LSR: variants seen among roughly 807,000 people sequenced by gnomAD.
LSR encodes the protein lipolysis stimulated lipoprotein receptor.
A neutral mutation model predicts 61.8 loss-of-function variants in LSR; 44 were observed. The observed-to-expected ratio is 0.71, with a 90% CI of 0.56 to 0.91. The LOEUF (loss-of-function observed/expected upper bound fraction) is 0.91. Ranked by LOEUF, LSR falls within the 40% of genes least tolerant of loss-of-function variation. LSR has a pLI of 0.00. For synonymous variants in LSR, 397 were observed against 350.6 expected, an observed-to-expected ratio of 1.13 and a Z score of -1.48; for missense variants, 911 against 830.5, an observed-to-expected ratio of 1.10 and a Z score of -1.19.
In LSR at chr19:35,253,634, A is replaced by G. The variant is rs73029979; in HGVS notation, c.454+2975A>G. On this transcript the variant is annotated intron_variant, in intron 2 of 9. Transcript: ENST00000605618. ...ATGGGAAGCAGGGTTCCAGGGGCTGAGCCTATGTCAGTCCTGTTTCAGAGG... is the reference window on the plus strand; with the variant it reads ...ATGGGAAGCAGGGTTCCAGGGGCTGGGCCTATGTCAGTCCTGTTTCAGAGG... The G allele has an allele frequency of 9.9e-3, 1,507 of 152,360 alleles. 9 individuals carry two copies. The highest frequency in any genetic ancestry group is 0.016 in the Non-Finnish European group (1,109 of 68,058). 9.4% of individuals were successfully genotyped at this position (152,360 alleles called of 1,614,324 possible). A position where few individuals can be genotyped will look rare whatever the true frequency, so the allele number is the denominator to read the frequency against.
At chr19:35,263,164 C>A (rs2065952928) in intron 5 of LSR, 1 of 154,076 alleles carries the variant, frequency 6.5e-6, no homozygotes, top group Admixed American at 6.4e-5. Flanking sequence ...GCCTGTAATC[C>A]CAGCTACTCA....
chr19:35,250,384 C>T lies in LSR; in HGVS notation c.179C>T (p.Thr60Ile). 6.2e-7 allele frequency: 1 copy of T among 1,605,932 alleles called. No individual in the cohort carries two copies. Among genetic ancestry groups the T allele is most frequent in the South Asian group, 1.1e-5 (1 of 90,210 alleles). ...GTGGTGATCCTCTTCCAGCCTGTGA[C>T]CCTGCCCTGTACCTACCAGATGACC... ...YHVVILFQPV[T>I]LPCTYQMTST... Residue 60 changes from threonine (T) to isoleucine (I), a missense_variant, in exon 2 of 10, where the codon ACC (threonine) becomes ATC (isoleucine). By Grantham distance (89) the Thr-to-Ile change is moderately conservative. Transcript: ENST00000605618.
chr19:35,260,047 G>A (rs1018778899), intron 3 of LSR, among the ~76,000 whole-genome samples: 1 of 152,064 alleles, frequency 6.6e-6, no homozygotes, highest in Non-Finnish European at 1.5e-5. Flanking sequence ...CGTGACTGGG[G>A]GGTACTTGGG....
At chr19:35,260,331 G>A (rs575018215) in intron 3 of LSR, among the ~76,000 whole-genome samples, 102 of 127,782 alleles carry the variant, frequency 8.0e-4, no homozygotes, top group Non-Finnish European at 8.3e-4. Context: ...TCGTTCTGTC[G>A]CCCAGGCTGG....
chr19:35,256,984 G>GTGC (rs1396044680), intron 2 of LSR, among the ~76,000 whole-genome samples: 1 of 152,024 alleles, frequency 6.6e-6, no homozygotes, highest in Non-Finnish European at 1.5e-5. Context: ...CTACAGGTGC[G>GTGC]TGCCACCATG....
Position 35,249,090 on chromosome 19 carries a change from C to G in LSR, c.68C>G (p.Ala23Gly). The G allele has an allele frequency of 1.3e-6, 2 of 1,554,804 alleles. No individual in the cohort carries two copies. Among genetic ancestry groups the G allele is most frequent in the South Asian group, 1.2e-5 (1 of 85,160 alleles). The change falls in exon 1 of 10, where the codon GCG (alanine) becomes GGG (glycine). Residue 23 changes from alanine to glycine, a missense_variant. Ala to Gly is a moderately conservative substitution (Grantham distance 60, BLOSUM62 0). Transcript: ENST00000605618. ...CACCCGGCCGCCGCAGGCCGGGACGCGGTCGTCTTCGTGTGGCTTCTGCTT... is the reference window on the plus strand; with the variant it reads ...CACCCGGCCGCCGCAGGCCGGGACGGGGTCGTCTTCGTGTGGCTTCTGCTT... ...GSHPAAAGRD[A>G]VVFVWLLLST...
intron 2 of LSR, 34 bp downstream of exon 2, chr19:35,250,693 C>T (rs1241839368): frequency 1.3e-6 from 2 of 1,482,594 alleles, no homozygotes; most frequent in East Asian, 2.4e-5. Flanking sequence ...TGAGGCTGGG[C>T]TTGCCCGGGT....
chr19:35,255,652 G>A (rs532764127), intron 2 of LSR, among the ~76,000 whole-genome samples: 37 of 152,176 alleles, frequency 2.4e-4, no homozygotes, highest in Non-Finnish European at 4.7e-4. Context: ...AGGGTAAGTC[G>A]TGTCCTCAAC....
Position 35,249,026 on chromosome 19 carries a change from G to T in LSR, c.4G>T (p.Ala2Ser). Reference sequence around the variant, plus strand: ...CAGACGCGCCCAGACGGCCGCGATGGCGCTGTTGGCCGGCGGGCTCTCCAG... The same window carrying T: ...CAGACGCGCCCAGACGGCCGCGATGTCGCTGTTGGCCGGCGGGCTCTCCAG... M[A>S]LLAGGLSRGL... is the part of the protein sequence containing the mutation. Residue 2 changes from alanine (A) to serine (S), a missense_variant, in exon 1 of 10, where the codon GCG becomes TCG. Coordinates refer to ENST00000605618, the MANE Select transcript of LSR (RefSeq NM_205834.4). The T allele has an allele frequency of 6.2e-7, 1 of 1,603,774 alleles. No homozygotes were observed. Among genetic ancestry groups the T allele is most frequent in the South Asian group, 1.1e-5 (1 of 90,298 alleles).
At chr19:35,259,782 T>C (rs1370831471) in intron 3 of LSR, among the ~76,000 whole-genome samples, 1 of 152,254 alleles carries the variant, frequency 6.6e-6, no homozygotes. Flanking sequence ...GGTTTTGCCG[T>C]GTGCCCTGCT....
chr19:35,263,590 G>T (rs1426174443), intron 5 of LSR, among the ~76,000 whole-genome samples: 1 of 152,014 alleles, frequency 6.6e-6, no homozygotes, highest in Non-Finnish European at 1.5e-5. Context: ...TCAAACTCCT[G>T]GCCTCAGGTG....
rs768015256 is a variant in LSR at position 35,267,875 on chromosome 19, G to A, written c.*16G>A. On this transcript the variant is annotated 3_prime_UTR_variant, in exon 10 of 10. Coordinates refer to ENST00000605618, the MANE Select transcript of LSR (RefSeq NM_205834.4). ...AGTCGTCTGATCTGACGTTTTCTAC[G>A]TAGCTTTTGTATTTTTTTTTTTAAT... The A allele has an allele frequency of 6.2e-7, 1 of 1,612,992 alleles. No homozygotes were observed. The highest frequency in any genetic ancestry group is 1.1e-5 in the South Asian group (1 of 91,014).
intron 1 of LSR, among the ~76,000 whole-genome samples, chr19:35,249,717 A>T (rs2065765820): frequency 6.6e-6 from 1 of 151,926 alleles, no homozygotes; most frequent in South Asian, 2.1e-4. Flanking sequence ...CCTGGATGGG[A>T]TATTTGGGTG....
rs2066039962 is a variant in LSR, at chr19:35,267,654, G to A, written c.1690G>A (p.Glu564Lys). Reference protein sequence around the residue: ...ERRRPHKEEEEEAYYPPAPPP... With the variant: ...ERRRPHKEEEKEAYYPPAPPP... ...GAGGAGACCCCACAAGGAGGAGGAG[G>A]AAGAGGCCTACTACCCGCCCGCGCC... The change falls in exon 9 of 10, where the codon GAA (glutamate) becomes AAA (lysine). Residue 564 changes from glutamate (E) to lysine (K), a missense_variant. Transcript: ENST00000605618. The A allele has an allele frequency of 6.2e-7, 1 of 1,609,766 alleles. No individual in the cohort carries two copies. Among genetic ancestry groups the A allele is most frequent in the African/African-American group, 1.3e-5 (1 of 74,792 alleles).
intron 2 of LSR, among the ~76,000 whole-genome samples, chr19:35,250,957 A>G (rs1225428878): frequency 6.6e-6 from 1 of 151,840 alleles, no homozygotes; most frequent in Non-Finnish European, 1.5e-5. Context: ...CACCACGCCC[A>G]GTTAATTTTT....
chr19:35,259,160 A>G (rs2065893649), intron 3 of LSR, 96 bp downstream of exon 3: 3 of 1,485,834 alleles, frequency 2.0e-6, no homozygotes, highest in South Asian at 2.6e-5. Flanking sequence ...CCTCCAGCTT[A>G]CCCTCTGGGC....
Position 35,267,338 on chromosome 19 carries a change from C to CAGGGAGCAGGGG in LSR, c.1374_1375insAGGGAGCAGGGG (p.Ala458_Glu459insArgGluGlnGly), listed in dbSNP as rs757128597. On this transcript the variant is annotated inframe_insertion, in exon 9 of 10. Coordinates refer to ENST00000605618, the MANE Select transcript of LSR (RefSeq NM_205834.4). ...ACGACCTCACCCCGCCGAGCACCGC[C>CAGGGAGCAGGGG]GAGTCAGGGAGCAGGTCTCCCACGA... 4 of 1,573,024 alleles carry CAGGGAGCAGGGG rather than the reference C, an allele frequency of 2.5e-6. No individual in the cohort carries two copies. Among genetic ancestry groups the CAGGGAGCAGGGG allele is most frequent in the Non-Finnish European group, 3.4e-6 (4 of 1,159,832 alleles).
rs1211605489 is a variant in LSR at position 35,250,445 on chromosome 19, C to T, written c.240C>T (p.Tyr80=). 2 of 1,614,064 alleles carry T rather than the reference C, an allele frequency of 1.2e-6. No homozygotes were observed. The highest frequency in any genetic ancestry group is 8.5e-7 in the Non-Finnish European group (1 of 1,179,984). The change falls in exon 2 of 10, where the codon TAC becomes TAT. Residue 80 remains tyrosine (Y), a synonymous_variant. Coordinates refer to ENST00000605618, the MANE Select transcript of LSR (RefSeq NM_205834.4). ...TPTQPIVIWK[Y]KSFCRDRIAD... is the part of the protein sequence containing the mutation. ...CGCAACCCATCGTCATCTGGAAGTACAAGTCTTTCTGCCGGGACCGCATCG... is the reference window on the plus strand; with the variant it reads ...CGCAACCCATCGTCATCTGGAAGTATAAGTCTTTCTGCCGGGACCGCATCG...
rs1380206735 is a variant in LSR, at chr19:35,267,191, TGA to T, written c.1229_1230del (p.Glu410GlyfsTer58). On this transcript the variant is annotated frameshift_variant, in exon 9 of 10. Coordinates refer to ENST00000605618, the MANE Select transcript of LSR (RefSeq NM_205834.4). LOFTEE classifies it high-confidence loss of function. ...RGPALTPIRDEEWGGHSPRSP... is the reference protein window; with the variant it reads ...RGPALTPIRDXEWGGHSPRSP... ...GCCCTGCCCTCACCCCGATCCGGGA[TGA>T]GGAGTGGGGTGGCCACTCCCCCCGG... The T allele has an allele frequency of 6.6e-7, 1 of 1,523,122 alleles. No individual in the cohort carries two copies. The highest frequency in any genetic ancestry group is 1.4e-5 in the African/African-American group (1 of 71,810). 94.4% of individuals were successfully genotyped at this position (1,523,122 alleles called of 1,614,324 possible).
Sources: gnomAD v4.1 joint callset for allele counts (sites outside exome capture counted in the v4.1 genomes callset) on GRCh38, gnomAD v4.1.1 for gene constraint, MANE v1.5 for transcripts, NCBI Gene and HGNC (gene_info 2026-07-23, HGNC 2026-07-21) for gene names.